The following FARP1 variants were observed in gnomAD, a reference collection of about 807,000 sequenced individuals.
FARP1 encodes the protein FERM, ARHGEF and pleckstrin domain-containing protein 1.
A neutral mutation model predicts 128.8 loss-of-function variants in FARP1; 52 were observed. That is an observed-to-expected ratio of 0.40 (90% CI 0.32 to 0.51). The LOEUF (loss-of-function observed/expected upper bound fraction) is 0.51, where lower values mean the gene tolerates loss of function less well. FARP1 is among the 20% of genes least tolerant of loss of function. The probability of loss-of-function intolerance (pLI) is 0.45; values close to 1 mark genes in which losing one functional copy is unlikely to be tolerated. For synonymous variants in FARP1, 580 were observed against 551.8 expected, an observed-to-expected ratio of 1.05 and a Z score of -0.72; for missense variants, 1,333 against 1,367.9, an observed-to-expected ratio of 0.97 and a Z score of 0.40.
intron 1 of FARP1, among the ~76,000 whole-genome samples, chr13:98,189,687 C>G (rs2139230222): frequency 6.6e-6 from 1 of 152,278 alleles, no homozygotes; most frequent in African/African-American, 2.4e-5. Flanking sequence ...GAAAACTTCT[C>G]AAGTCAGGCA....
At chr13:98,381,078 A>T (rs1889872786) in intron 6 of FARP1, among the ~76,000 whole-genome samples, 1 of 152,194 alleles carries the variant, frequency 6.6e-6, no homozygotes, top group African/African-American at 2.4e-5. Flanking sequence ...TTCCCTTCTC[A>T]AAAGGCAAAT....
At chr13:98,276,663 A>G (rs1311806382) in intron 2 of FARP1, among the ~76,000 whole-genome samples, 1 of 152,230 alleles carries the variant, frequency 6.6e-6, no homozygotes, top group Non-Finnish European at 1.5e-5. Flanking sequence ...TGGTATTCAA[A>G]AGTTCCAAAG....
chr13:98,192,122 T>G (rs1013287787), intron 1 of FARP1, among the ~76,000 whole-genome samples: 9 of 152,114 alleles, frequency 5.9e-5, no homozygotes, highest in Admixed American at 5.9e-4. Flanking sequence ...TCATAACAAA[T>G]TGAGTCCTCT....
chr13:98,177,750 TTGCTC>T (rs1474918682), intron 1 of FARP1: 1 of 147,202 alleles, frequency 6.8e-6, no homozygotes, highest in East Asian at 2.2e-4. Flanking sequence ...TCATCTTCAC[TTGCTC>T]CTCAGCTCCC....
chr13:98,352,631 T>TA (rs1888483558), intron 3 of FARP1, among the ~76,000 whole-genome samples: 1 of 152,200 alleles, frequency 6.6e-6, no homozygotes, highest in South Asian at 2.1e-4. Context: ...AATTTTCACA[T>TA]AAAAATGAGT....
intron 2 of FARP1, among the ~76,000 whole-genome samples, chr13:98,262,041 A>T (rs2062343473): frequency 1.8e-5 from 2 of 110,228 alleles, no homozygotes; most frequent in South Asian, 6.6e-4. Context: ...TTTGAGATGG[A>T]GTCTTACTCT....
At chr13:98,271,695 A>G (rs1884397859) in intron 2 of FARP1, among the ~76,000 whole-genome samples, 3 of 152,064 alleles carry the variant, frequency 2.0e-5, no homozygotes, top group Non-Finnish European at 4.4e-5. Context: ...GTTTGCTGAG[A>G]ATGATGGTTT....
chr13:98,160,132 A>G (rs1312464793), intron 1 of FARP1, among the ~76,000 whole-genome samples: 3 of 152,210 alleles, frequency 2.0e-5, no homozygotes, highest in African/African-American at 7.2e-5. Flanking sequence ...GGTCCAGTGA[A>G]AGCCTGTGAG....
chr13:98,325,499 G>C (rs1204823453), intron 2 of FARP1, among the ~76,000 whole-genome samples: 2 of 152,156 alleles, frequency 1.3e-5, no homozygotes, highest in African/African-American at 2.4e-5. Flanking sequence ...CACTGTTCCA[G>C]TTCTTCACTG....
At chr13:98,270,342 G>A (rs747248159) in intron 2 of FARP1, among the ~76,000 whole-genome samples, 9 of 151,868 alleles carry the variant, frequency 5.9e-5, no homozygotes, top group Non-Finnish European at 1.2e-4. Flanking sequence ...TAGTATATCC[G>A]TCAAAAGGGT....
chr13:98,416,632 G>GT (rs1201488754), intron 16 of FARP1, among the ~76,000 whole-genome samples: 1 of 152,216 alleles, frequency 6.6e-6, no homozygotes, highest in African/African-American at 2.4e-5. Flanking sequence ...AGCAAGAACA[G>GT]TTTACTCAGC....
rs1199379372 is a variant in FARP1, at chr13:98,423,307, CAT to C, written c.1827-1264_1827-1263del. The stretch of plus-strand genomic sequence containing the variant: ...AATCAAGTTGACACTCGATATTAAC[CAT>C]CATAGGGTGTATGTAGATCCCGGGT... On this transcript the variant is annotated intron_variant, in intron 16 of 26. Coordinates refer to ENST00000319562, the MANE Select transcript of FARP1 (RefSeq NM_005766.4). Among the ~76,000 whole-genome samples, 607 of 152,300 alleles carry C rather than the reference CAT, an allele frequency of 4.0e-3. 5 individuals are homozygous for C. The highest frequency in any genetic ancestry group is 0.014 in the African/African-American group (584 of 41,558).
chr13:98,350,727 T>A (rs1888382519), intron 3 of FARP1, among the ~76,000 whole-genome samples: 1 of 152,198 alleles, frequency 6.6e-6, no homozygotes, highest in African/African-American at 2.4e-5. Flanking sequence ...CTCTGACACC[T>A]GAGGCCTTGT....
chr13:98,226,925 T>A (rs1881811520), intron 2 of FARP1, among the ~76,000 whole-genome samples: 1 of 152,076 alleles, frequency 6.6e-6, no homozygotes, highest in African/African-American at 2.4e-5. Flanking sequence ...CAACCAATCA[T>A]GTTGCATTTC....
intron 1 of FARP1, among the ~76,000 whole-genome samples, chr13:98,151,461 G>A (rs1875991614): frequency 6.6e-6 from 1 of 152,012 alleles, no homozygotes; most frequent in Non-Finnish European, 1.5e-5. Context: ...GTATTGTAAG[G>A]TCAAGAAGGA....
At chr13:98,440,994 TG>T (rs1892500996) in intron 24 of FARP1, among the ~76,000 whole-genome samples, 158 bp downstream of exon 24, 1 of 152,182 alleles carries the variant, frequency 6.6e-6, no homozygotes, top group African/African-American at 2.4e-5. Flanking sequence ...GGGCCCCCTT[TG>T]GAGCCTGCCG....
At chr13:98,154,592 T>A (rs764772025) in intron 1 of FARP1, among the ~76,000 whole-genome samples, 3 of 152,204 alleles carry the variant, frequency 2.0e-5, no homozygotes, top group Non-Finnish European at 2.9e-5. Context: ...AAATAAGATG[T>A]CAGTCCTGTA....
intron 2 of FARP1, among the ~76,000 whole-genome samples, chr13:98,238,078 A>G (rs571808378): frequency 1.5e-3 from 230 of 152,326 alleles, no homozygotes; most frequent in Non-Finnish European, 3.1e-4. Flanking sequence ...CAGCAAAAGC[A>G]TGGTTTGATA....
chr13:98,200,949 A>G (rs1235537687), intron 1 of FARP1, among the ~76,000 whole-genome samples: 1 of 152,140 alleles, frequency 6.6e-6, no homozygotes, highest in East Asian at 1.9e-4. Context: ...TTTGAGGTAC[A>G]TGTGATATTT....
Sources: gnomAD v4.1 joint callset for allele counts (sites outside exome capture counted in the v4.1 genomes callset) on GRCh38, gnomAD v4.1.1 for gene constraint, MANE v1.5 for transcripts, NCBI Gene and HGNC (gene_info 2026-07-23, HGNC 2026-07-21) for gene names.